NAALADL2: variants seen among roughly 807,000 people sequenced by gnomAD.
NAALADL2 encodes the protein N-acetylated alpha-linked acidic dipeptidase like 2, also known as inactive N-acetylated-alpha-linked acidic dipeptidase-like protein 2.
Under a neutral mutation model 87.2 loss-of-function variants are expected in NAALADL2, and 76 were observed. The observed-to-expected ratio is 0.87, with a 90% CI of 0.72 to 1.05. The LOEUF is 1.05. NAALADL2 is among the 50% of genes least tolerant of loss of function. NAALADL2 has a pLI of 0.00. For synonymous variants in NAALADL2, 354 were observed against 331.0 expected, an observed-to-expected ratio of 1.07 and a Z score of -0.75; for missense variants, 1,089 against 945.8, an observed-to-expected ratio of 1.15 and a Z score of -1.99.
chr3:175,739,296 C>T (rs775952527), intron 12 of NAALADL2, among the ~76,000 whole-genome samples: 16 of 152,140 alleles, frequency 1.1e-4, no homozygotes, highest in African/African-American at 1.4e-4. Context: ...ATATTTGTGA[C>T]GATTCGGTTG....
intron 9 of NAALADL2, among the ~76,000 whole-genome samples, chr3:175,538,475 C>T (rs1452697578): frequency 2.0e-5 from 3 of 151,996 alleles, no homozygotes; most frequent in Non-Finnish European, 4.4e-5. Flanking sequence ...GTCTACATCA[C>T]ACACAAAAAT....
At chr3:175,435,749 C>T (rs1718529274) in intron 5 of NAALADL2, among the ~76,000 whole-genome samples, 1 of 151,814 alleles carries the variant, frequency 6.6e-6, no homozygotes. Flanking sequence ...AGTTTTCTAA[C>T]CTTTTTTGAG....
chr3:174,787,585 A>G (rs193012856), intron 3 of NAALADL2, among the ~76,000 whole-genome samples: 1,789 of 46,488 alleles, frequency 0.038, 78 homozygotes, highest in East Asian at 0.093. Context: ...TCATATATAT[A>G]TATATATATA....
intron 10 of NAALADL2, among the ~76,000 whole-genome samples, chr3:175,608,624 A>G (rs1469732994): frequency 6.6e-6 from 1 of 152,088 alleles, no homozygotes; most frequent in African/African-American, 2.4e-5. Flanking sequence ...AAACATTGTT[A>G]TAACGATCGT....
chr3:174,882,066 A>G (rs1309767574), intron 1 of NAALADL2, among the ~76,000 whole-genome samples: 3 of 152,164 alleles, frequency 2.0e-5, no homozygotes, highest in Non-Finnish European at 4.4e-5. Flanking sequence ...TTTGAGAATA[A>G]GTCAGAAAAG....
intron 5 of NAALADL2, among the ~76,000 whole-genome samples, chr3:175,371,750 G>C (rs2148952098): frequency 1.3e-5 from 2 of 151,698 alleles, no homozygotes; most frequent in Middle Eastern, 6.8e-3. Context: ...CTTGAACCCA[G>C]GAGGCGGAGG....
At chr3:174,911,935 G>A (rs62286177) in intron 1 of NAALADL2, among the ~76,000 whole-genome samples, 13 of 152,072 alleles carry the variant, frequency 8.5e-5, no homozygotes, top group Admixed American at 6.6e-4. Flanking sequence ...CCCGCAGACA[G>A]ACTTATAGCT....
intron 4 of NAALADL2, among the ~76,000 whole-genome samples, chr3:175,288,399 G>C (rs933383454): frequency 6.6e-6 from 1 of 152,114 alleles, no homozygotes; most frequent in Non-Finnish European, 1.5e-5. Flanking sequence ...GACATACCCA[G>C]ATTGATGTTT....
chr3:174,986,049 T>C (rs1029487215), intron 1 of NAALADL2, among the ~76,000 whole-genome samples: 46 of 152,170 alleles, frequency 3.0e-4, no homozygotes, highest in East Asian at 1.9e-4. Flanking sequence ...AAGTTTGTCA[T>C]TGTCTACATG....
At chr3:175,481,692 T>G (rs1164075710) in intron 9 of NAALADL2, among the ~76,000 whole-genome samples, 4 of 151,872 alleles carry the variant, frequency 2.6e-5, no homozygotes, top group Non-Finnish European at 5.9e-5. Flanking sequence ...ACAACCTAAA[T>G]GTCTATCAGG....
At chr3:175,414,271 C>T (rs567264964) in intron 5 of NAALADL2, among the ~76,000 whole-genome samples, 3 of 152,130 alleles carry the variant, frequency 2.0e-5, no homozygotes, top group Admixed American at 6.5e-5. Context: ...GAATCTTTGT[C>T]AATGATGAAT....
intron 9 of NAALADL2, among the ~76,000 whole-genome samples, chr3:175,542,600 T>A (rs901968666): frequency 1.3e-5 from 2 of 152,136 alleles, no homozygotes; most frequent in Non-Finnish European, 2.9e-5. Flanking sequence ...CCTCAAGTGA[T>A]CCACCCACCT....
At chr3:175,338,734 C>T (rs1762288511) in intron 5 of NAALADL2, among the ~76,000 whole-genome samples, 1 of 151,564 alleles carries the variant, frequency 6.6e-6, no homozygotes, top group Non-Finnish European at 1.5e-5. Context: ...CAAAACCACC[C>T]ACTAAAGTGT....
intron 1 of NAALADL2, among the ~76,000 whole-genome samples, chr3:174,469,363 T>C (rs1311591215): frequency 6.6e-6 from 1 of 151,632 alleles, no homozygotes; most frequent in Admixed American, 6.6e-5. Flanking sequence ...GTTCAAGCGG[T>C]TCTTCTGCGT....
chr3:174,698,657 G>A (rs937312123), intron 2 of NAALADL2, among the ~76,000 whole-genome samples: 2 of 97,976 alleles, frequency 2.0e-5, no homozygotes, highest in Non-Finnish European at 3.5e-5. Flanking sequence ...GAGGTCAGGA[G>A]ATCGAGACCA....
chr3:175,779,046 C>T lies in NAALADL2; in HGVS notation c.2189+23628C>T, dbSNP rs542129171. Among the ~76,000 whole-genome samples, 9 of 152,184 alleles carry T rather than the reference C, an allele frequency of 5.9e-5. No individual in the cohort carries two copies. The South Asian group carries it at 1.7e-3, about 28-fold the overall frequency. ...CAAAGAATAGTAAATTGTGGAAAAG[C>T]GGCAAGACAGAGGGGTGTGGGCTAG... is the stretch of plus-strand genomic sequence containing the variant. On this transcript the variant is annotated intron_variant, in intron 13 of 13. Transcript: ENST00000454872.
chr3:175,286,567 T>G (rs2110112503), intron 4 of NAALADL2, among the ~76,000 whole-genome samples: 1 of 152,304 alleles, frequency 6.6e-6, no homozygotes, highest in East Asian at 1.9e-4. Context: ...TCCACAGTAT[T>G]TGTAGAACTA....
intron 11 of NAALADL2, among the ~76,000 whole-genome samples, chr3:175,633,096 T>C (rs1054238420): frequency 3.3e-5 from 5 of 152,012 alleles, no homozygotes; most frequent in African/African-American, 9.7e-5. Context: ...GATAGAGCGG[T>C]TCATGTAGTC....
At chr3:175,487,290 A>G (rs1727423013) in intron 9 of NAALADL2, among the ~76,000 whole-genome samples, 1 of 152,144 alleles carries the variant, frequency 6.6e-6, no homozygotes, top group Admixed American at 6.6e-5. Context: ...CACGTATAAT[A>G]TTCTATGTAA....
Sources: allele counts gnomAD v4.1 joint callset (sites outside exome capture counted in the v4.1 genomes callset), GRCh38; gene constraint gnomAD v4.1.1; transcripts MANE v1.5; gene names NCBI Gene and HGNC (gene_info 2026-07-23, HGNC 2026-07-21).